Variants in FAM13C observed in about 807,000 individuals in gnomAD.
FAM13C encodes protein FAM13C.
Under a neutral mutation model 73.2 loss-of-function variants are expected in FAM13C, and 37 were observed. The observed-to-expected ratio is 0.51, with a 90% confidence interval of 0.39 to 0.67. FAM13C has a LOEUF of 0.67. Among genes scored for constraint, FAM13C ranks in the 30% least tolerant of loss-of-function variants. The probability of loss-of-function intolerance (pLI) is 0.00; values close to 1 mark genes in which losing one functional copy is unlikely to be tolerated. For missense variants in FAM13C, 589 were observed against 715.6 expected, an observed-to-expected ratio of 0.82 and a Z score of 2.02; for synonymous variants, 246 against 260.9, an observed-to-expected ratio of 0.94 and a Z score of 0.55.
intron 10 of FAM13C, 86 bp downstream of exon 10, chr10:59,262,348 G>C (rs1842588724): frequency 2.4e-6 from 3 of 1,238,836 alleles, no homozygotes; most frequent in Admixed American, 4.2e-5. Context: ...TTGATGTAAT[G>C]GCAAAGTGCT....
intron 5 of FAM13C, among the ~76,000 whole-genome samples, chr10:59,286,476 CT>C (rs1223767524): frequency 6.8e-6 from 1 of 146,826 alleles, no homozygotes; most frequent in Non-Finnish European, 1.5e-5. Flanking sequence ...GATTGTACCA[CT>C]GCACTTCAGC....
In FAM13C at chr10:59,283,740, A is replaced by T. The variant is rs1445657994; in HGVS notation, c.508-293T>A. 4 of 558,162 alleles carry T rather than the reference A, an allele frequency of 7.2e-6. No individual in the cohort carries two copies. The East Asian group carries it at 1.1e-4, about 16-fold the overall frequency. The allele number at this position is 558,162 out of a possible 1,614,324, so 34.6% of individuals were successfully genotyped here. On this transcript the variant is annotated intron_variant, in intron 5 of 13. Coordinates refer to ENST00000618804, the MANE Select transcript of FAM13C (RefSeq NM_198215.4). ...AACGTATATGGATTATCTGTGACAC[A>T]TGGGACTGGTGATTTCATCAGCAAG...
At chr10:59,264,306 GAA>G (rs1842807589) in intron 8 of FAM13C, 140 bp from the exon 9 acceptor site, 2 of 621,816 alleles carry the variant, frequency 3.2e-6, no homozygotes, top group African/African-American at 1.8e-5. Flanking sequence ...AGCTGGGAGA[GAA>G]ATTCGGGTGT....
At chr10:59,347,580 A>G (rs1854477289) in intron 3 of FAM13C, among the ~76,000 whole-genome samples, 1 of 151,900 alleles carries the variant, frequency 6.6e-6, no homozygotes, top group Admixed American at 6.6e-5. Flanking sequence ...CAGAATGTGC[A>G]ATTTTGTTAC....
At chr10:59,316,854 A>T (rs1849589601) in intron 4 of FAM13C, among the ~76,000 whole-genome samples, 1 of 152,214 alleles carries the variant, frequency 6.6e-6, no homozygotes, top group South Asian at 2.1e-4. Context: ...TGGAAAAGAG[A>T]ATATTAAGCA....
intron 5 of FAM13C, among the ~76,000 whole-genome samples, chr10:59,288,415 C>G (rs530346135): frequency 2.6e-5 from 4 of 152,134 alleles, no homozygotes; most frequent in Non-Finnish European, 5.9e-5. Flanking sequence ...ATTGCTTGAA[C>G]CCAGGAGGTG....
chr10:59,249,276 C>T (rs1028266073), intron 13 of FAM13C, among the ~76,000 whole-genome samples: 13 of 149,894 alleles, frequency 8.7e-5, no homozygotes, highest in African/African-American at 2.2e-4. Context: ...TGGTGGCGTA[C>T]GCCTGTAGTC....
intron 4 of FAM13C, among the ~76,000 whole-genome samples, chr10:59,313,778 AG>A (rs1295431477): frequency 2.0e-5 from 3 of 152,200 alleles, no homozygotes; most frequent in Non-Finnish European, 4.4e-5. Context: ...TGTACACAAA[AG>A]CAAACTAGAG....
At chr10:59,289,004 C>A (rs535242699) in intron 5 of FAM13C, among the ~76,000 whole-genome samples, 11 of 152,318 alleles carry the variant, frequency 7.2e-5, no homozygotes, top group African/African-American at 2.6e-4. Context: ...GAGTAATCTA[C>A]ACTAGCAGTC....
chr10:59,344,835 T>C (rs374837437), intron 3 of FAM13C, among the ~76,000 whole-genome samples: 140 of 152,252 alleles, frequency 9.2e-4, no homozygotes, highest in African/African-American at 2.9e-3. Context: ...TATTTATCTC[T>C]GGAGTTTATT....
intron 3 of FAM13C, among the ~76,000 whole-genome samples, chr10:59,335,505 G>T (rs1025415292): frequency 1.8e-4 from 27 of 152,094 alleles, no homozygotes; most frequent in African/African-American, 6.5e-4. Flanking sequence ...CTAACCCAAA[G>T]GCTACCCCAC....
chr10:59,336,911 A>G (rs913734143), intron 3 of FAM13C, among the ~76,000 whole-genome samples: 3 of 152,134 alleles, frequency 2.0e-5, no homozygotes, highest in Non-Finnish European at 4.4e-5. Flanking sequence ...CCATCACCCC[A>G]TCCTTTCCAC....
chr10:59,318,933 G>C (rs1849859168), intron 4 of FAM13C, among the ~76,000 whole-genome samples: 1 of 152,022 alleles, frequency 6.6e-6, no homozygotes, highest in African/African-American at 2.4e-5. Flanking sequence ...TCCAAGAAGG[G>C]AGATATGTCT....
chr10:59,249,684 T>C (rs1349363323), intron 13 of FAM13C, among the ~76,000 whole-genome samples: 8 of 152,182 alleles, frequency 5.3e-5, no homozygotes, highest in Non-Finnish European at 1.2e-4. Flanking sequence ...ATAAAATGTC[T>C]TAGATAAACA....
intron 4 of FAM13C, among the ~76,000 whole-genome samples, chr10:59,311,780 T>A (rs1464242675): frequency 6.6e-6 from 1 of 152,080 alleles, no homozygotes; most frequent in Non-Finnish European, 1.5e-5. Context: ...TCCTCAACTT[T>A]CAGAGGGATA....
At chr10:59,309,423 C>T (rs1848669718) in intron 4 of FAM13C, among the ~76,000 whole-genome samples, 1 of 152,162 alleles carries the variant, frequency 6.6e-6, no homozygotes, top group Non-Finnish European at 1.5e-5. Context: ...CTGTATGACA[C>T]CCTGAAGGAT....
At chr10:59,267,099 A>T (rs1347170213) in intron 8 of FAM13C, among the ~76,000 whole-genome samples, 3 of 152,182 alleles carry the variant, frequency 2.0e-5, no homozygotes, top group Non-Finnish European at 2.9e-5. Context: ...GCCGTGCTGG[A>T]TTCAAATCCA....
chr10:59,335,952 G>C (rs559536231), intron 3 of FAM13C, among the ~76,000 whole-genome samples: 2 of 152,164 alleles, frequency 1.3e-5, no homozygotes, highest in Non-Finnish European at 2.9e-5. Context: ...AAGCTTTTTT[G>C]AATCAAAGCA....
chr10:59,273,797 C>A (rs973970371), intron 6 of FAM13C, among the ~76,000 whole-genome samples: 1 of 152,134 alleles, frequency 6.6e-6, no homozygotes, highest in Non-Finnish European at 1.5e-5. Context: ...CAAGAGACCA[C>A]TTCTGCTCAG....
Sources: gnomAD v4.1 joint callset for allele counts (sites outside exome capture counted in the v4.1 genomes callset) on GRCh38, gnomAD v4.1.1 for gene constraint, MANE v1.5 for transcripts, NCBI Gene and HGNC (gene_info 2026-07-23, HGNC 2026-07-21) for gene names.